Variants in YLPM1 observed in about 807,000 individuals in gnomAD.
The protein encoded by YLPM1 is YLP motif containing 1, also known as YLP motif-containing protein 1.
YLPM1 carries 99 observed loss-of-function variants against 230.0 expected under a neutral mutation model. The ratio of observed to expected loss-of-function variants is 0.43; its 90% CI spans 0.37 to 0.51. The LOEUF is 0.51. Among genes scored for constraint, YLPM1 ranks in the 20% least tolerant of loss-of-function variants. The probability of loss-of-function intolerance (pLI) is 0.00; values close to 1 mark genes in which losing one functional copy is unlikely to be tolerated. For missense variants in YLPM1, 2,592 were observed against 2,707.7 expected (o/e 0.96, Z 0.95); for synonymous variants, 984 against 942.5 (o/e 1.04, Z -0.81).
chr14:74,796,171 G>A (rs2091258623), intron 4 of YLPM1, among the ~76,000 whole-genome samples: 1 of 152,240 alleles, frequency 6.6e-6, no homozygotes, highest in African/African-American at 2.4e-5. Flanking sequence ...ACCACCAGTA[G>A]TCTCTGCCAC....
At chr14:74,828,131 TC>T in intron 18 of YLPM1, 1 of 462,986 alleles carries the variant, frequency 2.2e-6, no homozygotes, top group East Asian at 1.5e-4. Context: ...AAACGTAAAC[TC>T]ACCCTTTCTG....
chr14:74,815,892 C>T (rs1481175368), intron 11 of YLPM1, among the ~76,000 whole-genome samples: 1 of 151,978 alleles, frequency 6.6e-6, no homozygotes, highest in African/African-American at 2.4e-5. Context: ...CTCCTGGTTT[C>T]TGGCTCCTCT....
chr14:74,799,340 A>G lies in YLPM1; in HGVS notation c.4043A>G (p.Asp1348Gly), dbSNP rs1183559272. The G allele has an allele frequency of 3.7e-6, 6 of 1,613,776 alleles. No homozygotes were observed. The highest frequency in any genetic ancestry group is 2.2e-5 in the South Asian group (2 of 91,068). The change falls in exon 5 of 21, where the codon GAT becomes GGT. Residue 1348 changes from aspartate to glycine, a missense_variant. By Grantham distance (94) the Asp-to-Gly change is moderately conservative. Around this residue, in one of 4 missense-constraint regions of YLPM1, gnomAD observed 1,862 missense variants for 1,819.8 expected, o/e 1.02. Coordinates refer to ENST00000325680, the MANE Select transcript of YLPM1 (RefSeq NM_019589.3). ...CTTCCACCTTTGGATAGATATCGGG[A>G]TGATAGATGGAGAGAAGAAAGAAAT... Reference protein sequence around the residue: ...PPLPPLDRYRDDRWREERNRE... With the variant: ...PPLPPLDRYRGDRWREERNRE...
chr14:74,783,808 C>A (rs376959436), intron 4 of YLPM1, among the ~76,000 whole-genome samples: 11 of 152,212 alleles, frequency 7.2e-5, no homozygotes, highest in East Asian at 5.8e-4. Flanking sequence ...TTGCTAGAGA[C>A]TTTACACACA....
intron 1 of YLPM1, among the ~76,000 whole-genome samples, chr14:74,771,292 T>C (rs768387384): frequency 7.2e-5 from 11 of 152,158 alleles, no homozygotes; most frequent in East Asian, 1.9e-4. Flanking sequence ...GTCATCAGCA[T>C]AAAAATGGTA....
intron 6 of YLPM1, among the ~76,000 whole-genome samples, chr14:74,806,247 C>G (rs1257653868): frequency 1.3e-5 from 2 of 151,910 alleles, no homozygotes; most frequent in Non-Finnish European, 2.9e-5. Context: ...ATCCTAGTTA[C>G]AGGTGAGGCT....
At position 74,763,750 on chromosome 14, in the gene YLPM1, G is replaced by GC; in HGVS notation, c.266dup (p.Pro90AlafsTer59). 6.8e-7 allele frequency: 1 copy of GC among 1,470,908 alleles called. No individual in the cohort carries two copies. Among genetic ancestry groups the GC allele is most frequent in the Non-Finnish European group, 9.0e-7 (1 of 1,110,734 alleles). 91.1% of individuals were successfully genotyped at this position (1,470,908 alleles called of 1,614,324 possible). A position where few individuals can be genotyped will look rare whatever the true frequency, so the allele number is the denominator to read the frequency against. Reference sequence around the variant, plus strand: ...ACCACCTTCCTCCGCCCCCTCTGCCGCCCCCGCCAGTGATGCCGGGGGGCG... The same window carrying GC: ...ACCACCTTCCTCCGCCCCCTCTGCCGCCCCCCGCCAGTGATGCCGGGGGGCG... On this transcript the variant is annotated frameshift_variant, in exon 1 of 21. Transcript: ENST00000325680. LOFTEE classifies it high-confidence loss of function.
In YLPM1 at chr14:74,799,535, A is replaced by G. The variant is rs750932095; in HGVS notation, c.4238A>G (p.His1413Arg). The G allele has an allele frequency of 1.2e-6, 2 of 1,613,972 alleles. No individual in the cohort carries two copies. The highest frequency in any genetic ancestry group is 1.7e-5 in the Admixed American group (1 of 60,016). Residue 1413 changes from histidine (H) to arginine (R), a missense_variant, in exon 5 of 21, where the codon CAT becomes CGT. Physicochemically the swap from His to Arg is conservative, Grantham distance 29. Around this residue, in one of 4 missense-constraint regions of YLPM1, gnomAD observed 1,862 missense variants for 1,819.8 expected, o/e 1.02. Coordinates refer to ENST00000325680, the MANE Select transcript of YLPM1 (RefSeq NM_019589.3). ...TGGTACCCATCTGATGTGGATAGAC[A>G]TTCCCCCATGGCGGAACATATGCCC... The part of the protein sequence containing the change: ...DRWYPSDVDR[H>R]SPMAEHMPSS...
Position 74,797,952 on chromosome 14 carries a change from C to T in YLPM1, c.2655C>T (p.Ser885=). The change falls in exon 5 of 21, where the codon TCC becomes TCT. Residue 885 remains serine, a synonymous_variant. Transcript: ENST00000325680. ...KNFKMQSAAF[S]IAADVKDVKA... ...TTAAAATGCAATCAGCTGCATTTTC[C>T]ATTGCTGCAGATGTAAAGGATGTCA... 3 of 1,613,164 alleles carry T rather than the reference C, an allele frequency of 1.9e-6. No homozygotes were observed. Among genetic ancestry groups the T allele is most frequent in the Non-Finnish European group, 2.5e-6 (3 of 1,179,570 alleles).
chr14:74,790,371 A>G (rs2091194477), intron 4 of YLPM1, among the ~76,000 whole-genome samples: 1 of 152,194 alleles, frequency 6.6e-6, no homozygotes, highest in Admixed American at 6.5e-5. Flanking sequence ...ATTTCACGTG[A>G]AAAGAAAACA....
intron 18 of YLPM1, among the ~76,000 whole-genome samples, chr14:74,828,903 A>G (rs1306265372): frequency 1.3e-5 from 2 of 152,198 alleles, no homozygotes; most frequent in Non-Finnish European, 2.9e-5. Flanking sequence ...TTGCCATCAG[A>G]AAATGAGAAC....
At chr14:74,808,804 CA>C (rs34802468) in intron 6 of YLPM1, among the ~76,000 whole-genome samples, 73,946 of 122,932 alleles carry the variant, frequency 0.6, 19,352 homozygotes, top group African/African-American at 0.65. Flanking sequence ...AACTCCGTCT[CA>C]AAAAAAAAAA....
At position 74,763,833 on chromosome 14, in the gene YLPM1, T is replaced by G; in HGVS notation, c.344T>G (p.Leu115Arg). The G allele has an allele frequency of 6.7e-7, 1 of 1,500,500 alleles. No individual in the cohort carries two copies. Among genetic ancestry groups the G allele is most frequent in the Non-Finnish European group, 8.9e-7 (1 of 1,123,574 alleles). The allele number at this position is 1,500,500 out of a possible 1,614,324, so 92.9% of individuals were successfully genotyped here. A position where few individuals can be genotyped will look rare whatever the true frequency, so the allele number is the denominator to read the frequency against. Residue 115 changes from leucine to arginine, a missense_variant, in exon 1 of 21, where the codon CTC (leucine) becomes CGC (arginine). Physicochemically the swap from Leu to Arg is moderately radical, Grantham distance 102. This residue lies in a region of YLPM1 where 1,862 missense variants were observed against 1,819.8 expected (regional missense o/e 1.02). Transcript: ENST00000325680. Reference protein sequence around the residue: ...PPMPPPPGPALSYQKQQQYKH... With the variant: ...PPMPPPPGPARSYQKQQQYKH... Reference sequence around the variant, plus strand: ...ATGCCCCCGCCACCCGGGCCGGCCCTCAGCTATCAGAAGCAGCAGCAGTAC... The same window carrying G: ...ATGCCCCCGCCACCCGGGCCGGCCCGCAGCTATCAGAAGCAGCAGCAGTAC...
At chr14:74,824,036 T>C in intron 17 of YLPM1, 1 of 528,256 alleles carries the variant, frequency 1.9e-6, no homozygotes, top group Non-Finnish European at 3.4e-6. Flanking sequence ...ATGATACTAT[T>C]CTGAAGTGAC....
At chr14:74,816,315 T>C (rs1366996640) in intron 12 of YLPM1, 50 bp downstream of exon 12, 7 of 1,560,654 alleles carry the variant, frequency 4.5e-6, no homozygotes, top group African/African-American at 1.4e-5. Flanking sequence ...CTTGTGTTAG[T>C]AGTCACTTGC....
In YLPM1 at chr14:74,781,863, C is replaced by G. The variant is rs779866964; in HGVS notation, c.1820C>G (p.Pro607Arg). 3.3e-5 allele frequency: 53 copies of G among 1,613,236 alleles called. No individual in the cohort carries two copies. In the African/African-American group the frequency reaches 5.5e-4, roughly 17 times the overall value. The change falls in exon 4 of 21, where the codon CCA becomes CGA. Residue 607 changes from proline (P) to arginine (R), a missense_variant. Transcript: ENST00000325680. ...SSAGPPPVLP[P>R]PSLSSTAPPP... is the part of the protein sequence containing the mutation. ...GCAGGGCCACCACCAGTTCTTCCCC[C>G]ACCATCTCTCTCTTCAACAGCACCT...
chr14:74,799,311 A>C lies in YLPM1; in HGVS notation c.4014A>C (p.Pro1338=). ...CTCTTCCACCTTTACCGCCCCTCCC[A>C]CCTCTTCCACCTTTGGATAGATATC... ...IPSLPPLPPL[P]PLPPLDRYRD... The change falls in exon 5 of 21, where the codon CCA becomes CCC. Residue 1338 remains proline, a synonymous_variant. Transcript: ENST00000325680. 1.2e-6 allele frequency: 2 copies of C among 1,613,928 alleles called. No individual in the cohort carries two copies. The highest frequency in any genetic ancestry group is 1.7e-6 in the Non-Finnish European group (2 of 1,179,870).
intron 5 of YLPM1, among the ~76,000 whole-genome samples, chr14:74,801,624 C>T (rs912678190): frequency 6.6e-6 from 1 of 152,080 alleles, no homozygotes; most frequent in African/African-American, 2.4e-5. Context: ...AATCAGATAA[C>T]AAAAATGAGT....
At chr14:74,804,115 C>G (rs2091354834) in intron 6 of YLPM1, among the ~76,000 whole-genome samples, 1 of 152,170 alleles carries the variant, frequency 6.6e-6, no homozygotes, top group East Asian at 1.9e-4. Context: ...CGACATCGCG[C>G]CATTGCACTC....
Sources: allele counts gnomAD v4.1 joint callset (sites outside exome capture counted in the v4.1 genomes callset), GRCh38; gene constraint gnomAD v4.1.1; regional missense constraint gnomAD v4.1.1; transcripts MANE v1.5; gene names NCBI Gene and HGNC (gene_info 2026-07-23, HGNC 2026-07-21).